GDAP1L1: variants seen among roughly 807,000 people sequenced by gnomAD.
The protein encoded by GDAP1L1 is ganglioside-induced differentiation-associated protein 1-like 1.
A neutral mutation model predicts 37.1 loss-of-function variants in GDAP1L1; 21 were observed. That is an observed-to-expected ratio of 0.57 (90% CI 0.40 to 0.81). The LOEUF (loss-of-function observed/expected upper bound fraction) is 0.81. Ranked by LOEUF, GDAP1L1 falls within the 40% of genes least tolerant of loss-of-function variation. The pLI is 0.00. For synonymous variants in GDAP1L1, 193 were observed against 209.1 expected (o/e 0.92, Z 0.67); for missense variants, 362 against 491.6 (o/e 0.74, Z 2.49).
At chr20:44,267,382 G>A (rs949377300) in intron 5 of GDAP1L1, among the ~76,000 whole-genome samples, 2 of 152,196 alleles carry the variant, frequency 1.3e-5, no homozygotes, top group African/African-American at 2.4e-5. Context: ...GGCTGAGGCA[G>A]GTGGATCACT....
chr20:44,269,131 C>T (rs887539076), intron 5 of GDAP1L1, among the ~76,000 whole-genome samples: 2 of 152,048 alleles, frequency 1.3e-5, no homozygotes, highest in Non-Finnish European at 2.9e-5. Flanking sequence ...GTGCCCAGCT[C>T]AAGATGAAAT....
At position 44,279,072 on chromosome 20, in the gene GDAP1L1, T is replaced by C; in HGVS notation, c.876T>C (p.Asp292=). 1 of 1,614,184 alleles carries C rather than the reference T, an allele frequency of 6.2e-7. No homozygotes were observed. ...FLGLSKKYWE[D]GSRPNLQSFF... ...GACTGTCCAAGAAATACTGGGAAGATGGCAGCCGGCCCAACCTGCAGTCCT... is the reference window on the plus strand; with the variant it reads ...GACTGTCCAAGAAATACTGGGAAGACGGCAGCCGGCCCAACCTGCAGTCCT... The change falls in exon 6 of 6, where the codon GAT becomes GAC. Residue 292 remains aspartate, a synonymous_variant. Coordinates refer to ENST00000342560, the MANE Select transcript of GDAP1L1 (RefSeq NM_024034.6).
intron 5 of GDAP1L1, among the ~76,000 whole-genome samples, chr20:44,272,168 G>A (rs1036217662): frequency 6.6e-6 from 1 of 152,206 alleles, no homozygotes; most frequent in Non-Finnish European, 1.5e-5. Flanking sequence ...ACATGGAGAA[G>A]GGGGAGGAGC....
upstream of GDAP1L1, chr20:44,247,262 C>A: frequency 6.8e-7 from 1 of 1,473,414 alleles, no homozygotes; most frequent in Non-Finnish European, 9.4e-7. Context: ...CTCGGCGAGG[C>A]CATGTGATGC....
intron 5 of GDAP1L1, among the ~76,000 whole-genome samples, chr20:44,266,936 G>A (rs1166617572): frequency 6.6e-6 from 1 of 152,124 alleles, no homozygotes; most frequent in African/African-American, 2.4e-5. Context: ...TGCTAACACT[G>A]ACGATAACTG....
At chr20:44,268,768 T>C (rs1049796345) in intron 5 of GDAP1L1, among the ~76,000 whole-genome samples, 1 of 152,060 alleles carries the variant, frequency 6.6e-6, no homozygotes, top group Non-Finnish European at 1.5e-5. Context: ...GTCTGCTGTG[T>C]GGGGAGTCCT....
At chr20:44,275,060 T>C (rs2062559009) in intron 5 of GDAP1L1, among the ~76,000 whole-genome samples, 2 of 152,056 alleles carry the variant, frequency 1.3e-5, no homozygotes, top group African/African-American at 2.4e-5. Context: ...GATTCAGCTA[T>C]TTTTAAATTT....
At chr20:44,252,501 G>A (rs986553842) in intron 1 of GDAP1L1, among the ~76,000 whole-genome samples, 15 of 152,186 alleles carry the variant, frequency 9.9e-5, no homozygotes, top group South Asian at 4.1e-4. Context: ...TTAGCTGGGC[G>A]TGGTGGTGTG....
chr20:44,273,218 G>A (rs1026842385), intron 5 of GDAP1L1, among the ~76,000 whole-genome samples: 26 of 152,168 alleles, frequency 1.7e-4, no homozygotes, highest in Admixed American at 1.7e-3. Context: ...TCTGTAAAGT[G>A]GGGATAATAA....
intron 1 of GDAP1L1, among the ~76,000 whole-genome samples, chr20:44,256,924 A>G (rs2073559216): frequency 6.6e-6 from 1 of 152,170 alleles, no homozygotes; most frequent in African/African-American, 2.4e-5. Context: ...CTTAGCCACC[A>G]GGCAGCACTG....
intron 5 of GDAP1L1, 122 bp downstream of exon 5, chr20:44,264,681 G>A: frequency 6.7e-7 from 1 of 1,499,682 alleles, no homozygotes; most frequent in Non-Finnish European, 9.0e-7. Flanking sequence ...TTAAGAGGAT[G>A]GGCTATGGAG....
chr20:44,247,565 G>A, intron 1 of GDAP1L1, 51 bp downstream of exon 1: 1 of 1,440,320 alleles, frequency 6.9e-7, no homozygotes, highest in South Asian at 1.4e-5. Flanking sequence ...AGCTTGGGGA[G>A]GGGAGCCCCA....
At chr20:44,250,681 G>T (rs1191874364) in intron 1 of GDAP1L1, among the ~76,000 whole-genome samples, 1 of 152,182 alleles carries the variant, frequency 6.6e-6, no homozygotes, top group East Asian at 1.9e-4. Flanking sequence ...TTAAGAGTGA[G>T]CTTTCAAGCA....
intron 1 of GDAP1L1, among the ~76,000 whole-genome samples, chr20:44,252,837 A>G (rs536741766): frequency 1.3e-5 from 2 of 151,388 alleles, no homozygotes; most frequent in East Asian, 3.9e-4. Context: ...AAAAAAAAAA[A>G]AAATCCTATG....
chr20:44,262,103 C>A (rs898251321), intron 3 of GDAP1L1, among the ~76,000 whole-genome samples: 1 of 151,976 alleles, frequency 6.6e-6, no homozygotes, highest in Non-Finnish European at 1.5e-5. Context: ...AGGATGTTAT[C>A]CGAGGGCAGT....
intron 1 of GDAP1L1, among the ~76,000 whole-genome samples, chr20:44,252,664 A>AC (rs1456251368): frequency 6.6e-6 from 1 of 151,980 alleles, no homozygotes; most frequent in Admixed American, 6.6e-5. Flanking sequence ...AAACAAACAA[A>AC]AAACAAAAGT....
chr20:44,257,267 C>T lies in GDAP1L1; in HGVS notation c.295C>T (p.Pro99Ser), dbSNP rs1347527351. The T allele has an allele frequency of 6.2e-7, 1 of 1,613,736 alleles. No homozygotes were observed. Among genetic ancestry groups the T allele is most frequent in the South Asian group, 1.1e-5 (1 of 91,026 alleles). ...FMRLNLGEEV[P>S]VIIHRDNIIS... Reference sequence around the variant, plus strand: ...GCGGCTCAACCTGGGCGAGGAGGTGCCCGTCATCATCCACCGCGACAACAT... The same window carrying T: ...GCGGCTCAACCTGGGCGAGGAGGTGTCCGTCATCATCCACCGCGACAACAT... Residue 99 changes from proline (P) to serine (S), a missense_variant, in exon 2 of 6, where the codon CCC (proline) becomes TCC (serine). By Grantham distance (74) the Pro-to-Ser change is moderately conservative. Around this residue, in one of 2 missense-constraint regions of GDAP1L1, gnomAD observed 277 missense variants for 337.1 expected, o/e 0.82. Transcript: ENST00000342560.
rs1386252427 is a variant in GDAP1L1 at position 44,279,007 on chromosome 20, G to A, written c.811G>A (p.Val271Ile). Residue 271 changes from valine to isoleucine, a missense_variant, in exon 6 of 6, where the codon GTC (valine) becomes ATC (isoleucine). This residue lies in a region of GDAP1L1 where 85 missense variants were observed against 154.4 expected (regional missense o/e 0.55). Coordinates refer to ENST00000342560, the MANE Select transcript of GDAP1L1 (RefSeq NM_024034.6). ...TGGCTGTGCCTTCACCCTCGCTGAT[G>A]TCCTCCTGGGAGCCACCCTGCACCG... ...LCGCAFTLAD[V>I]LLGATLHRLK... 9 of 1,613,968 alleles carry A rather than the reference G, an allele frequency of 5.6e-6. No homozygotes were observed. The highest frequency in any genetic ancestry group is 1.7e-5 in the Admixed American group (1 of 59,996).
At chr20:44,272,434 A>G (rs2062528155) in intron 5 of GDAP1L1, among the ~76,000 whole-genome samples, 1 of 152,176 alleles carries the variant, frequency 6.6e-6, no homozygotes, top group African/African-American at 2.4e-5. Flanking sequence ...AGAAGAGAGG[A>G]TGAAAAGATG....
Sources: gnomAD v4.1 joint callset for allele counts (sites outside exome capture counted in the v4.1 genomes callset) on GRCh38, gnomAD v4.1.1 for gene constraint, gnomAD v4.1.1 regional missense constraint, MANE v1.5 for transcripts, NCBI Gene and HGNC (gene_info 2026-07-23, HGNC 2026-07-21) for gene names.